The following MECOM variants were observed in gnomAD, a reference collection of about 807,000 sequenced individuals.
MECOM encodes histone-lysine N-methyltransferase MECOM.
MECOM carries 13 observed loss-of-function variants against 116.3 expected under a neutral mutation model. The observed-to-expected ratio is 0.11, with a 90% CI of 0.07 to 0.18. The LOEUF is 0.18. MECOM is among the 10% of genes least tolerant of loss of function. The pLI, the probability that MECOM is intolerant of heterozygous loss-of-function variation, is 1.00. For missense variants in MECOM, 1,299 were observed against 1,509.0 expected (o/e 0.86, Z 2.31); for synonymous variants, 528 against 535.2 (o/e 0.99, Z 0.19).
At chr3:169,634,601 A>G (rs1014767768) in intron 1 of MECOM, among the ~76,000 whole-genome samples, 1 of 152,164 alleles carries the variant, frequency 6.6e-6, no homozygotes, top group Non-Finnish European at 1.5e-5. Context: ...AATGCCACCC[A>G]AGTAGCACCA....
chr3:169,237,395 G>A (rs994333505), intron 2 of MECOM, among the ~76,000 whole-genome samples: 1 of 152,090 alleles, frequency 6.6e-6, no homozygotes, highest in Non-Finnish European at 1.5e-5. Flanking sequence ...TAAAGATTGT[G>A]TAACTCACTA....
intron 1 of MECOM, among the ~76,000 whole-genome samples, chr3:169,421,848 T>C (rs2108509657): frequency 6.6e-6 from 1 of 152,190 alleles, no homozygotes; most frequent in East Asian, 1.9e-4. Flanking sequence ...AATAAATAGG[T>C]GGACATGATT....
intron 2 of MECOM, among the ~76,000 whole-genome samples, chr3:169,206,072 A>G (rs1467651261): frequency 6.6e-6 from 1 of 152,046 alleles, no homozygotes; most frequent in Admixed American, 6.5e-5. Flanking sequence ...CCTGTTTCAC[A>G]CTTTCATGTC....
chr3:169,250,199 C>T (rs949282248), intron 2 of MECOM, among the ~76,000 whole-genome samples: 3 of 152,150 alleles, frequency 2.0e-5, no homozygotes, highest in African/African-American at 4.8e-5. Context: ...CCAGGCCTCA[C>T]GAAAACACAC....
chr3:169,483,695 T>G (rs949807344), intron 1 of MECOM: 2 of 1,579,042 alleles, frequency 1.3e-6, no homozygotes, highest in African/African-American at 1.4e-5. Flanking sequence ...CCTCCTCTTC[T>G]TCGTCCTGGT....
At chr3:169,149,570 G>C (rs1001779824) in intron 2 of MECOM, 1 of 330,284 alleles carries the variant, frequency 3.0e-6, no homozygotes, top group African/African-American at 2.2e-5. Context: ...GCCAGGCGCC[G>C]GCAACACAGC....
At chr3:169,365,011 A>G (rs1343754439) in intron 2 of MECOM, among the ~76,000 whole-genome samples, 1 of 152,048 alleles carries the variant, frequency 6.6e-6, no homozygotes, top group Non-Finnish European at 1.5e-5. Flanking sequence ...ATTAAACATA[A>G]TGATAATTCT....
intron 1 of MECOM, among the ~76,000 whole-genome samples, chr3:169,521,782 G>A (rs116579783): frequency 5.3e-5 from 8 of 152,256 alleles, no homozygotes; most frequent in African/African-American, 9.6e-5. Context: ...TAATGCAGTC[G>A]GCTATTCATA....
At chr3:169,634,948 T>C (rs1577209773) in intron 1 of MECOM, among the ~76,000 whole-genome samples, 4 of 151,810 alleles carry the variant, frequency 2.6e-5, no homozygotes, top group Non-Finnish European at 5.9e-5. Context: ...TGTTTTTCTG[T>C]TGGGTCGTTC....
At chr3:169,103,951 C>T (rs34981912) in intron 10 of MECOM, among the ~76,000 whole-genome samples, 38,405 of 152,034 alleles carry the variant, frequency 0.25, 5,075 homozygotes, top group Non-Finnish European at 0.28. Context: ...CAAATTGCAA[C>T]GTACAGGGTA....
intron 2 of MECOM, among the ~76,000 whole-genome samples, chr3:169,223,584 T>C (rs1752385895): frequency 6.6e-6 from 1 of 152,004 alleles, no homozygotes; most frequent in Admixed American, 6.6e-5. Context: ...TGTGTATTTA[T>C]TGCTGGGAAA....
intron 2 of MECOM, among the ~76,000 whole-genome samples, chr3:169,235,424 C>T (rs1577421574): frequency 2.0e-5 from 3 of 152,022 alleles, no homozygotes; most frequent in African/African-American, 7.2e-5. Flanking sequence ...AAGCAAATCA[C>T]TGACAAAATG....
At chr3:169,621,397 CATA>C (rs1012372595) in intron 1 of MECOM, among the ~76,000 whole-genome samples, 1 of 152,152 alleles carries the variant, frequency 6.6e-6, no homozygotes, top group Non-Finnish European at 1.5e-5. Flanking sequence ...AACTAGTAGT[CATA>C]ATAGTAGTAG....
chr3:169,166,353 A>G (rs1036525729), intron 2 of MECOM, among the ~76,000 whole-genome samples: 2 of 152,122 alleles, frequency 1.3e-5, no homozygotes, highest in African/African-American at 4.8e-5. Flanking sequence ...ATTACTGAGC[A>G]TTCCAGGGCT....
chr3:169,322,922 CG>C (rs34977463), intron 2 of MECOM, among the ~76,000 whole-genome samples: 81,030 of 144,880 alleles, frequency 0.56, 23,748 homozygotes, highest in East Asian at 0.85. Flanking sequence ...CACTTGAACC[CG>C]GGGGGGGCAG....
intron 2 of MECOM, among the ~76,000 whole-genome samples, chr3:169,207,042 A>G (rs975463232): frequency 6.6e-6 from 1 of 152,228 alleles, no homozygotes; most frequent in Non-Finnish European, 1.5e-5. Context: ...AAAGAACAAA[A>G]ATATCTTGAG....
intron 1 of MECOM, among the ~76,000 whole-genome samples, chr3:169,429,337 AC>A (rs926185243): frequency 6.6e-6 from 1 of 152,134 alleles, no homozygotes; most frequent in African/African-American, 2.4e-5. Context: ...GAGAAGATTC[AC>A]TTTTTTAATT....
At chr3:169,174,880 CACA>C (rs1744918169) in intron 2 of MECOM, among the ~76,000 whole-genome samples, 1 of 152,124 alleles carries the variant, frequency 6.6e-6, no homozygotes, top group South Asian at 2.1e-4. Flanking sequence ...AGAGATCAAG[CACA>C]ACTTTATTCA....
At chr3:169,482,328 CTT>C (rs768771100) in intron 1 of MECOM, among the ~76,000 whole-genome samples, 2 of 108,394 alleles carry the variant, frequency 1.8e-5, no homozygotes, top group Admixed American at 1.1e-4. Context: ...AACCCACGTT[CTT>C]TTTTTTTTTT....
Sources: gnomAD v4.1 joint callset for allele counts (sites outside exome capture counted in the v4.1 genomes callset) on GRCh38, gnomAD v4.1.1 for gene constraint, MANE v1.5 for transcripts, NCBI Gene and HGNC (gene_info 2026-07-23, HGNC 2026-07-21) for gene names.